The following SETX variants were observed in gnomAD, a reference collection of about 807,000 sequenced individuals.
SETX encodes senataxin.
SETX carries 90 observed loss-of-function variants against 227.2 expected under a neutral mutation model. That is an observed-to-expected ratio of 0.40 (90% CI 0.33 to 0.47). SETX has a LOEUF of 0.47. Among genes scored for constraint, SETX ranks in the 20% least tolerant of loss-of-function variants. The pLI is 0.91. For synonymous variants in SETX, 1,210 were observed against 1,113.2 expected (o/e 1.09, Z -1.73); for missense variants, 3,052 against 3,181.5 (o/e 0.96, Z 0.98).
At chr9:132,280,681 T>C (rs960638679) in intron 20 of SETX, among the ~76,000 whole-genome samples, 1 of 152,228 alleles carries the variant, frequency 6.6e-6, no homozygotes, top group African/African-American at 2.4e-5. Flanking sequence ...CTAGGATTAT[T>C]TATGAAGCCA....
intron 11 of SETX, among the ~76,000 whole-genome samples, chr9:132,303,771 G>A: frequency 6.6e-6 from 1 of 152,140 alleles, no homozygotes; most frequent in East Asian, 1.9e-4. Flanking sequence ...AGCCATTCTA[G>A]AAAAGTAAAT....
Position 132,264,811 on chromosome 9 carries a change from C to T in SETX, c.7462G>A (p.Gly2488Ser), listed in dbSNP as rs372782145. The change falls in exon 26 of 26, where the codon GGT (glycine) becomes AGT (serine). Residue 2488 changes from glycine to serine, a missense_variant. By Grantham distance (56) the Gly-to-Ser change is moderately conservative. Coordinates refer to ENST00000224140, the MANE Select transcript of SETX (RefSeq NM_015046.7). ...TCTAGCTTGCTGCTGGGCAAACCAC[C>T]CTGGGGTCTGGACCCCTCTGGGGCT... ...TIAPEGSRPQ[G>S]GLPSSKLDSG... is the part of the protein sequence containing the mutation. The T allele has an allele frequency of 6.2e-7, 1 of 1,614,122 alleles. No individual in the cohort carries two copies. The highest frequency in any genetic ancestry group is 1.7e-5 in the Admixed American group (1 of 60,016).
At chr9:132,272,173 T>A (rs1222538985) in intron 23 of SETX, among the ~76,000 whole-genome samples, 1 of 152,116 alleles carries the variant, frequency 6.6e-6, no homozygotes, top group African/African-American at 2.4e-5. Context: ...TCCGGCTTAG[T>A]TTTTTGGTTT....
chr9:132,313,016 T>A (rs983468925), intron 10 of SETX, among the ~76,000 whole-genome samples: 2 of 152,096 alleles, frequency 1.3e-5, no homozygotes, highest in Admixed American at 1.3e-4. Context: ...TCTATATACA[T>A]GACATTTCCA....
intron 7 of SETX, 143 bp downstream of exon 7, chr9:132,334,465 C>T (rs1348164019): frequency 2.1e-6 from 2 of 958,050 alleles, no homozygotes; most frequent in Non-Finnish European, 3.2e-6. Flanking sequence ...CAAAACAAAA[C>T]AAAATAAAAA....
chr9:132,285,324 T>G (rs570264273), intron 18 of SETX, among the ~76,000 whole-genome samples: 12 of 152,348 alleles, frequency 7.9e-5, no homozygotes, highest in African/African-American at 2.9e-4. Context: ...AACCACCTCT[T>G]AGAAATCTTA....
intron 11 of SETX, among the ~76,000 whole-genome samples, chr9:132,307,261 T>A (rs866744526): frequency 2.5e-4 from 37 of 147,672 alleles, no homozygotes; most frequent in Admixed American, 3.3e-4. Context: ...CTCAAAAAAA[T>A]AATAATAATA....
intron 10 of SETX, among the ~76,000 whole-genome samples, chr9:132,314,902 T>C (rs1011479267): frequency 7.0e-6 from 1 of 143,300 alleles, no homozygotes; most frequent in Non-Finnish European, 1.5e-5. Flanking sequence ...TATTATTTTA[T>C]TGTGTTTTTT....
intron 18 of SETX, among the ~76,000 whole-genome samples, chr9:132,285,286 C>T (rs1843785607): frequency 6.6e-6 from 1 of 152,048 alleles, no homozygotes; most frequent in Non-Finnish European, 1.5e-5. Context: ...AAATATTTAC[C>T]AGACTTAAAA....
chr9:132,334,445 T>G (rs1589756710), intron 7 of SETX, among the ~76,000 whole-genome samples, 163 bp downstream of exon 7: 2 of 152,162 alleles, frequency 1.3e-5, no homozygotes, highest in East Asian at 3.8e-4. Context: ...TATGACTTCG[T>G]ATCAAAAAAC....
intron 25 of SETX, among the ~76,000 whole-genome samples, chr9:132,268,072 A>G (rs748589898): frequency 7.9e-5 from 12 of 152,262 alleles, no homozygotes; most frequent in Non-Finnish European, 1.5e-4. Context: ...AACTGTACAA[A>G]TAAGTGTTAA....
chr9:132,288,540 C>G lies in SETX; in HGVS notation c.6208+10G>C. 6.3e-7 allele frequency: 1 copy of G among 1,588,210 alleles called. No individual in the cohort carries two copies. ...AGAAAACACTAGTATATACCACATTCAGTACTTACTCATTCTGTGGTTTAC... is the reference window on the plus strand; with the variant it reads ...AGAAAACACTAGTATATACCACATTGAGTACTTACTCATTCTGTGGTTTAC... On this transcript the variant is annotated intron_variant, in intron 16 of 25. Coordinates refer to ENST00000224140, the MANE Select transcript of SETX (RefSeq NM_015046.7).
At chr9:132,340,096 T>C (rs938199741) in intron 5 of SETX, among the ~76,000 whole-genome samples, 21 of 152,194 alleles carry the variant, frequency 1.4e-4, no homozygotes, top group Admixed American at 3.9e-4. Flanking sequence ...TCACTCATTC[T>C]CTTGGCTGTA....
rs777734645 is a variant in SETX at position 132,327,936 on chromosome 9, T to C, written c.3662A>G (p.Lys1221Arg). 1 of 1,614,152 alleles carries C rather than the reference T, an allele frequency of 6.2e-7. No homozygotes were observed. Among genetic ancestry groups the C allele is most frequent in the South Asian group, 1.1e-5 (1 of 91,076 alleles). ...ACAAGTACAAAGCTTTGAAGACTTC[T>C]TTTGTGAAACCGTAGTGGCTCTCTG... is the stretch of plus-strand genomic sequence containing the variant. ...RIQRATTVSQKKSSKLCTCTE... is the reference protein window; with the variant it reads ...RIQRATTVSQRKSSKLCTCTE... Residue 1221 changes from lysine to arginine, a missense_variant, in exon 10 of 26, where the codon AAG becomes AGG. Physicochemically the swap from Lys to Arg is conservative, Grantham distance 26. Around this residue, in one of 10 missense-constraint regions of SETX, gnomAD observed 1,483 missense variants for 1,312.0 expected, o/e 1.13. Transcript: ENST00000224140.
chr9:132,331,216 C>G (rs1847214484), intron 8 of SETX, 61 bp downstream of exon 8: 1 of 1,608,512 alleles, frequency 6.2e-7, no homozygotes. Flanking sequence ...GTTAAGTAAT[C>G]TAGCTGGAAC....
chr9:132,282,062 CAATA>C (rs1371351526), intron 19 of SETX, among the ~76,000 whole-genome samples: 3 of 126,040 alleles, frequency 2.4e-5, no homozygotes, highest in Non-Finnish European at 5.1e-5. Context: ...TCAAAAAAAA[CAATA>C]AATAAATAAA....
rs1156694552 is a variant in SETX at position 132,342,712 on chromosome 9, A to T, written c.476T>A (p.Phe159Tyr). The change falls in exon 5 of 26, where the codon TTT (phenylalanine) becomes TAT (tyrosine). Residue 159 changes from phenylalanine to tyrosine, a missense_variant. Physicochemically the swap from Phe to Tyr is conservative, Grantham distance 22. This residue lies in a region of SETX where 239 missense variants were observed against 240.8 expected (regional missense o/e 0.99). Coordinates refer to ENST00000224140, the MANE Select transcript of SETX (RefSeq NM_015046.7). ...VFDKHPGIYL[F>Y]LVHPNEMVRR... ...CACCATTTCATTGGGATGGACTAAA[A>T]ACAAATAGATCCCTGGATGTTTATC... 1 of 1,613,628 alleles carries T rather than the reference A, an allele frequency of 6.2e-7. No individual in the cohort carries two copies. Among genetic ancestry groups the T allele is most frequent in the African/African-American group, 1.3e-5 (1 of 75,034 alleles).
intron 4 of SETX, among the ~76,000 whole-genome samples, chr9:132,345,126 G>A (rs1187656977): frequency 6.6e-6 from 1 of 152,192 alleles, no homozygotes; most frequent in African/African-American, 2.4e-5. Context: ...GAGATAGGGA[G>A]TGCTAGCGGC....
intron 15 of SETX, among the ~76,000 whole-genome samples, chr9:132,289,415 A>G (rs1056008422): frequency 2.6e-5 from 4 of 152,154 alleles, no homozygotes; most frequent in African/African-American, 9.7e-5. Flanking sequence ...ATTTCAATAA[A>G]TAGTGTGGAG....
Sources: gnomAD v4.1 joint callset for allele counts (sites outside exome capture counted in the v4.1 genomes callset) on GRCh38, gnomAD v4.1.1 for gene constraint, gnomAD v4.1.1 regional missense constraint, MANE v1.5 for transcripts, NCBI Gene and HGNC (gene_info 2026-07-23, HGNC 2026-07-21) for gene names.